Variants in SLC5A5 observed in about 807,000 individuals in gnomAD.
The protein encoded by SLC5A5 is sodium/iodide cotransporter.
In SLC5A5, 56 loss-of-function variants were observed where a neutral mutation model predicts 68.6. The observed-to-expected ratio is 0.82, with a 90% CI of 0.66 to 1.02. The LOEUF is 1.02. Among genes scored for constraint, SLC5A5 ranks in the 50% least tolerant of loss-of-function variants. The pLI is 0.00. For synonymous variants in SLC5A5, 398 were observed against 373.0 expected, an observed-to-expected ratio of 1.07 and a Z score of -0.77; for missense variants, 807 against 859.8, an observed-to-expected ratio of 0.94 and a Z score of 0.77.
intron 7 of SLC5A5, among the ~76,000 whole-genome samples, chr19:17,878,992 A>C (rs1048782199): frequency 9.4e-5 from 14 of 149,422 alleles, no homozygotes; most frequent in East Asian, 2.0e-4. Flanking sequence ...AAAAAAACAA[A>C]AAAAAAAAAC....
intron 4 of SLC5A5, 47 bp downstream of exon 4, chr19:17,874,778 G>A (rs749252033): frequency 3.2e-6 from 5 of 1,574,466 alleles, no homozygotes; most frequent in Non-Finnish European, 4.4e-6. Context: ...CGGGCCCACT[G>A]TGTCTCTTGT....
intron 5 of SLC5A5, among the ~76,000 whole-genome samples, chr19:17,877,392 C>T (rs1261762255): frequency 6.6e-6 from 1 of 151,900 alleles, no homozygotes; most frequent in African/African-American, 2.4e-5. Flanking sequence ...TCACTGCAAC[C>T]TCCGCCTCCT....
At chr19:17,888,731 C>T (rs534823520) in intron 13 of SLC5A5, among the ~76,000 whole-genome samples, 1 of 151,600 alleles carries the variant, frequency 6.6e-6, no homozygotes, top group Non-Finnish European at 1.5e-5. Context: ...CTCCCAGATT[C>T]AAGCGATTCT....
In SLC5A5 at chr19:17,882,083, G is replaced by A. The variant is rs79718214; in HGVS notation, c.1171+11G>A. ...TCTCCAAGGGGCTCTGTGAGTTTCA[G>A]GGAGACCTGGGTGGGAGGCCAGGGC... On this transcript the variant is annotated intron_variant, in intron 9 of 14. Transcript: ENST00000222248. 665 of 1,613,028 alleles carry A rather than the reference G, an allele frequency of 4.1e-4. 5 individuals carry two copies. The African/African-American group carries it at 8.1e-3, about 20-fold the overall frequency.
rs1233555503 is a variant in SLC5A5, at chr19:17,882,234, G to A, written c.1242+15G>A. 6.2e-6 allele frequency: 10 copies of A among 1,608,432 alleles called. No homozygotes were observed. Among genetic ancestry groups the A allele is most frequent in the Non-Finnish European group, 7.7e-6 (9 of 1,176,146 alleles). On this transcript the variant is annotated intron_variant, in intron 10 of 14. Transcript: ENST00000222248. Reference sequence around the variant, plus strand: ...GTGTCCTTCAGGTGAGACCCCACCTGCCCCCTGCCCTGGTCTCCTGAGAGG... The same window carrying A: ...GTGTCCTTCAGGTGAGACCCCACCTACCCCCTGCCCTGGTCTCCTGAGAGG...
At chr19:17,878,329 AC>A (rs1364060284) in intron 7 of SLC5A5, among the ~76,000 whole-genome samples, 1 of 151,886 alleles carries the variant, frequency 6.6e-6, no homozygotes, top group Admixed American at 6.6e-5. Context: ...ACATGGTGAA[AC>A]CCTGTCTCTA....
At position 17,877,824 on chromosome 19, in the gene SLC5A5, A is replaced by G. The variant is rs899999688; in HGVS notation, c.800A>G (p.Gln267Arg). ...TATGGCGTGAACCAGGCGCAGGTGCAGCGCTACGTGGCTTGCCGCACAGAG... is the reference window on the plus strand; with the variant it reads ...TATGGCGTGAACCAGGCGCAGGTGCGGCGCTACGTGGCTTGCCGCACAGAG... ...SMYGVNQAQV[Q>R]RYVACRTEKQ... Residue 267 changes from glutamine to arginine, a missense_variant, in exon 6 of 15, where the codon CAG becomes CGG. Physicochemically the swap from Gln to Arg is conservative, Grantham distance 43 (BLOSUM62 1). Transcript: ENST00000222248. 1 of 1,614,112 alleles carries G rather than the reference A, an allele frequency of 6.2e-7. No individual in the cohort carries two copies. Among genetic ancestry groups the G allele is most frequent in the Non-Finnish European group, 8.5e-7 (1 of 1,180,046 alleles).
intron 1 of SLC5A5, among the ~76,000 whole-genome samples, chr19:17,873,581 C>A (rs550741650): frequency 3.7e-4 from 57 of 152,268 alleles, no homozygotes; most frequent in African/African-American, 1.3e-3. Context: ...CATGGTGAAA[C>A]CCCGTCTTTA....
At chr19:17,892,423 G>T (rs898434072) in intron 14 of SLC5A5, among the ~76,000 whole-genome samples, 14 of 151,998 alleles carry the variant, frequency 9.2e-5, no homozygotes, top group Admixed American at 7.9e-4. Context: ...ATCACCTGAG[G>T]TCAGGAGTTC....
At position 17,894,028 on chromosome 19, in the gene SLC5A5, G is replaced by A. The variant is rs1035099591; in HGVS notation, c.*151G>A. 1.3e-5 allele frequency: 10 copies of A among 774,358 alleles called. No homozygotes were observed. The highest frequency in any genetic ancestry group is 1.7e-5 in the African/African-American group (1 of 57,556). The allele number at this position is 774,358 out of a possible 1,614,324, so 48.0% of individuals were successfully genotyped here. ...CTACAATACCCTACCCTATGGGGAG[G>A]CCCTGCCTCCGGGAGGTCATTTTTT... is the stretch of plus-strand genomic sequence containing the variant. On this transcript the variant is annotated 3_prime_UTR_variant, in exon 15 of 15. Transcript: ENST00000222248.
intron 10 of SLC5A5, among the ~76,000 whole-genome samples, chr19:17,882,792 T>C (rs902509511): frequency 1.3e-5 from 2 of 152,280 alleles, no homozygotes; most frequent in African/African-American, 4.8e-5. Flanking sequence ...CACGCCATTC[T>C]CCTGCCTCAG....
chr19:17,891,821 CT>C (rs2030182779), intron 14 of SLC5A5, among the ~76,000 whole-genome samples: 1 of 152,180 alleles, frequency 6.6e-6, no homozygotes, highest in Non-Finnish European at 1.5e-5. Context: ...ATGCCTACCC[CT>C]GTTTTGGAAT....
Position 17,893,751 on chromosome 19 carries a change from T to G in SLC5A5, c.1806T>G (p.Pro602=), listed in dbSNP as rs145719548. The part of the protein sequence containing the change: ...EELPTGNKKP[P]GFLPTNEDRL... The stretch of plus-strand genomic sequence containing the variant: ...TCCCCACTGGAAACAAGAAGCCCCC[T>G]GGCTTCCTGCCCACCAATGAGGATC... The change falls in exon 15 of 15, where the codon CCT becomes CCG. Residue 602 remains proline (P), a synonymous_variant. Coordinates refer to ENST00000222248, the MANE Select transcript of SLC5A5 (RefSeq NM_000453.3). 1.9e-5 allele frequency: 31 copies of G among 1,613,896 alleles called. No homozygotes were observed. The highest frequency in any genetic ancestry group is 2.6e-5 in the Non-Finnish European group (31 of 1,179,970).
Position 17,876,033 on chromosome 19 carries a change from G to A in SLC5A5, c.625G>A (p.Gly209Ser), listed in dbSNP as rs775925580. Residue 209 changes from glycine (G) to serine (S), a missense_variant, in exon 5 of 15, where the codon GGT becomes AGT. Gly to Ser is a moderately conservative substitution (Grantham distance 56). Transcript: ENST00000222248. The part of the protein sequence containing the change: ...LSGFWVVLAR[G>S]VMLVGGPRQV... ...TGGCTTCTGGGTTGTCCTGGCACGC[G>A]GTGTCATGCTTGTGGGCGGGCCCCG... 15 of 1,614,042 alleles carry A rather than the reference G, an allele frequency of 9.3e-6. No individual in the cohort carries two copies. The African/African-American group carries it at 1.3e-4, about 14-fold the overall frequency.
At position 17,893,920 on chromosome 19, in the gene SLC5A5, C is replaced by T; in HGVS notation, c.*43C>T. 6.5e-7 allele frequency: 1 copy of T among 1,536,936 alleles called. No homozygotes were observed. Among genetic ancestry groups the T allele is most frequent in the Non-Finnish European group, 8.8e-7 (1 of 1,133,590 alleles). On this transcript the variant is annotated 3_prime_UTR_variant, in exon 15 of 15. Coordinates refer to ENST00000222248, the MANE Select transcript of SLC5A5 (RefSeq NM_000453.3). ...GGACTGACACCCTGGGATGGAACCTCAGGATGGGCCAAACCCAGACAACGG... is the reference window on the plus strand; with the variant it reads ...GGACTGACACCCTGGGATGGAACCTTAGGATGGGCCAAACCCAGACAACGG...
intron 12 of SLC5A5, among the ~76,000 whole-genome samples, chr19:17,884,599 C>G (rs2094329143): frequency 6.6e-6 from 1 of 151,408 alleles, no homozygotes; most frequent in African/African-American, 2.4e-5. Context: ...TGGGGAAACC[C>G]CCGTCTCTAC....
At position 17,877,956 on chromosome 19, in the gene SLC5A5, TC is replaced by T. The variant is rs1355115562; in HGVS notation, c.840-3del. Reference sequence around the variant, plus strand: ...ATCCCCTAAGCCTGAGGCTGCCTCTTCCCCCAGGGCCCTGCTCATCAACCAG... The same window carrying T: ...ATCCCCTAAGCCTGAGGCTGCCTCTTCCCCAGGGCCCTGCTCATCAACCAG... On this transcript the variant is annotated splice_region_variant and splice_polypyrimidine_tract_variant and intron_variant, in intron 6 of 14. Coordinates refer to ENST00000222248, the MANE Select transcript of SLC5A5 (RefSeq NM_000453.3). The T allele has an allele frequency of 6.2e-7, 1 of 1,613,420 alleles. No homozygotes were observed. Among genetic ancestry groups the T allele is most frequent in the Admixed American group, 1.7e-5 (1 of 59,986 alleles).
At chr19:17,885,934 C>T (rs997108720) in intron 12 of SLC5A5, among the ~76,000 whole-genome samples, 1 of 152,118 alleles carries the variant, frequency 6.6e-6, no homozygotes, top group Non-Finnish European at 1.5e-5. Context: ...GATCCCAGCT[C>T]ACTGCAACCT....
chr19:17,874,463 C>T, intron 2 of SLC5A5, 31 bp from the exon 3 acceptor site: 1 of 1,612,724 alleles, frequency 6.2e-7, no homozygotes. Flanking sequence ...AGACGCCCTC[C>T]CTGCTCACCC....
Sources: allele counts gnomAD v4.1 joint callset (sites outside exome capture counted in the v4.1 genomes callset), GRCh38; gene constraint gnomAD v4.1.1; transcripts MANE v1.5; gene names NCBI Gene and HGNC (gene_info 2026-07-23, HGNC 2026-07-21).